The following PREX2 variants were observed in gnomAD, a reference collection of about 807,000 sequenced individuals.
PREX2 encodes the protein phosphatidylinositol-3,4,5-trisphosphate dependent Rac exchange factor 2, also known as phosphatidylinositol 3,4,5-trisphosphate-dependent Rac exchanger 2 protein.
In PREX2, 107 loss-of-function variants were observed where a neutral mutation model predicts 203.2. The ratio of observed to expected loss-of-function variants is 0.53; its 90% CI spans 0.45 to 0.62. The LOEUF (loss-of-function observed/expected upper bound fraction) is 0.62, where lower values mean the gene tolerates loss of function less well. Ranked by LOEUF, PREX2 falls within the 20% of genes least tolerant of loss-of-function variation. The pLI is 0.00. For missense variants in PREX2, 1,777 were observed against 1,955.9 expected, an observed-to-expected ratio of 0.91 and a Z score of 1.72; for synonymous variants, 672 against 663.6, an observed-to-expected ratio of 1.01 and a Z score of -0.19.
intron 1 of PREX2, among the ~76,000 whole-genome samples, chr8:67,954,792 A>T (rs1018091571): frequency 2.6e-5 from 4 of 152,218 alleles, no homozygotes; most frequent in Admixed American, 1.3e-4. Flanking sequence ...AGAGGTAGAA[A>T]ACATATTTTT....
Position 68,143,268 on chromosome 8 carries a change from C to T in PREX2, c.4088-2941C>T, listed in dbSNP as rs185332539. ...TCATGAATGATGTTGTGCCTTCCCC[C>T]TGGTACTGTCTTCATGATAATGAGT... On this transcript the variant is annotated intron_variant, in intron 33 of 39. Transcript: ENST00000288368. 2.4e-3 allele frequency among the ~76,000 whole-genome samples: 363 copies of T among 151,972 alleles called. 2 individuals are homozygous for T. Among genetic ancestry groups the T allele is most frequent in the Admixed American group, 6.6e-3 (101 of 15,248 alleles).
rs58916146 is a variant in PREX2 at position 67,999,478 on chromosome 8, CAAA to C, written c.142-18353_142-18351del. On this transcript the variant is annotated intron_variant, in intron 1 of 39. Coordinates refer to ENST00000288368, the MANE Select transcript of PREX2 (RefSeq NM_024870.4). ...AATCAGTAATAAATAGCCAACAAAC[CAAA>C]AAAAAAAAAAAAAAGCCCAGAACCA... 1.1e-3 allele frequency among the ~76,000 whole-genome samples: 103 copies of C among 92,100 alleles called. 4 individuals carry two copies. In the Middle Eastern group the frequency reaches 0.03, roughly 27 times the overall value. 60.4% of individuals were successfully genotyped at this position (92,100 alleles called of 152,430 possible).
At chr8:68,113,711 T>C (rs1018318356) in intron 25 of PREX2, among the ~76,000 whole-genome samples, 1 of 152,230 alleles carries the variant, frequency 6.6e-6, no homozygotes, top group African/African-American at 2.4e-5. Flanking sequence ...AAGTGGCAGC[T>C]TCACGCTTCC....
intron 22 of PREX2, 121 bp downstream of exon 22, chr8:68,097,322 ACTT>A (rs1279322388): frequency 1.7e-5 from 13 of 764,732 alleles, no homozygotes; most frequent in Admixed American, 3.5e-5. Context: ...GCTCATTCAA[ACTT>A]CTTTTTTTTT....
At chr8:68,000,265 T>TA (rs1198964311) in intron 1 of PREX2, among the ~76,000 whole-genome samples, 2 of 152,166 alleles carry the variant, frequency 1.3e-5, no homozygotes, top group Non-Finnish European at 2.9e-5. Context: ...AATACAAAAT[T>TA]AATGTGCAAA....
At chr8:68,101,217 C>T (rs913955986) in intron 23 of PREX2, among the ~76,000 whole-genome samples, 1 of 152,012 alleles carries the variant, frequency 6.6e-6, no homozygotes, top group Admixed American at 6.6e-5. Context: ...CCATATATGT[C>T]TATATTTGGC....
chr8:68,158,244 G>A (rs1164367356), intron 35 of PREX2, among the ~76,000 whole-genome samples: 1 of 151,092 alleles, frequency 6.6e-6, no homozygotes, highest in Non-Finnish European at 1.5e-5. Flanking sequence ...AACAAATTAA[G>A]GCTTTTATTT....
At position 68,085,042 on chromosome 8, in the gene PREX2, C is replaced by T. The variant is rs151181127; in HGVS notation, c.2027+1654C>T. Among the ~76,000 whole-genome samples the T allele has an allele frequency of 4.5e-3, 690 of 152,200 alleles. 5 individuals carry two copies. Among genetic ancestry groups the T allele is most frequent in the African/African-American group, 0.016 (662 of 41,534 alleles). ...TTCTGACTCTTCTTAGTGTTCGTTG[C>T]GCTGTGTCTAGAACTCTAGATTACA... On this transcript the variant is annotated intron_variant, in intron 18 of 39. Coordinates refer to ENST00000288368, the MANE Select transcript of PREX2 (RefSeq NM_024870.4).
intron 37 of PREX2, among the ~76,000 whole-genome samples, chr8:68,212,205 T>C (rs1417901110): frequency 6.6e-6 from 1 of 152,114 alleles, no homozygotes; most frequent in Non-Finnish European, 1.5e-5. Flanking sequence ...TGCACTTAAC[T>C]CTCCTTGAAA....
intron 37 of PREX2, among the ~76,000 whole-genome samples, chr8:68,212,357 T>C (rs1812756500): frequency 6.6e-6 from 1 of 152,194 alleles, no homozygotes; most frequent in Non-Finnish European, 1.5e-5. Flanking sequence ...ATTTTCTTTG[T>C]CCTCTCACTA....
chr8:68,043,169 C>A (rs561186566), intron 7 of PREX2, among the ~76,000 whole-genome samples: 1 of 152,168 alleles, frequency 6.6e-6, no homozygotes, highest in East Asian at 1.9e-4. Flanking sequence ...TTCATAGCTA[C>A]CTGGGATGAA....
At chr8:68,142,891 T>A (rs535994353) in intron 33 of PREX2, among the ~76,000 whole-genome samples, 2 of 152,228 alleles carry the variant, frequency 1.3e-5, no homozygotes, top group East Asian at 3.9e-4. Flanking sequence ...TTGTGGAAAA[T>A]CTGCATTTTT....
rs534713637 is a variant in PREX2 at position 68,223,633 on chromosome 8, C to G, written c.4708-926C>G. ...TTGAACAACTCTCCTTAACCTTTTC[C>G]AAACCCCAAACTCTGGTCTTTGGTC... On this transcript the variant is annotated intron_variant, in intron 38 of 39. Coordinates refer to ENST00000288368, the MANE Select transcript of PREX2 (RefSeq NM_024870.4). Among the ~76,000 whole-genome samples, 299 of 152,116 alleles carry G rather than the reference C, an allele frequency of 2.0e-3. 1 individual carries two copies. The highest frequency in any genetic ancestry group is 6.8e-3 in the Middle Eastern group (2 of 294).
intron 39 of PREX2, among the ~76,000 whole-genome samples, chr8:68,230,955 G>A (rs2129615643): frequency 6.6e-6 from 1 of 152,246 alleles, no homozygotes; most frequent in African/African-American, 2.4e-5. Flanking sequence ...GTGCCATCTT[G>A]CTACAAAATA....
rs545140864 is a variant in PREX2 at position 67,955,671 on chromosome 8, G to A, written c.141+3136G>A. Among the ~76,000 whole-genome samples, 74 of 152,306 alleles carry A rather than the reference G, an allele frequency of 4.9e-4. 3 individuals are homozygous for A. In the South Asian group the frequency reaches 0.015, roughly 32 times the overall value. On this transcript the variant is annotated intron_variant, in intron 1 of 39. Coordinates refer to ENST00000288368, the MANE Select transcript of PREX2 (RefSeq NM_024870.4). ...TGAGGACAGGGACATACCACCTTGT[G>A]TGCCTGTGCTTTCCATAATTGTGTG...
chr8:68,119,387 A>G (rs1563554541), intron 27 of PREX2, 45 bp from the exon 28 acceptor site: 1 of 1,250,410 alleles, frequency 8.0e-7, no homozygotes, highest in Non-Finnish European at 1.2e-6. Context: ...TAAACATAAG[A>G]TGAGTGATTT....
chr8:67,995,153 T>C (rs1428385235), intron 1 of PREX2, among the ~76,000 whole-genome samples: 1 of 152,184 alleles, frequency 6.6e-6, no homozygotes, highest in Non-Finnish European at 1.5e-5. Context: ...GTTCTATTAA[T>C]AATGAAAGTA....
At chr8:68,021,361 A>G (rs890769120) in intron 3 of PREX2, among the ~76,000 whole-genome samples, 1 of 152,192 alleles carries the variant, frequency 6.6e-6, no homozygotes, top group African/African-American at 2.4e-5. Flanking sequence ...GAAAGTATTC[A>G]TGATTTCCTG....
intron 4 of PREX2, among the ~76,000 whole-genome samples, chr8:68,023,061 G>A (rs1395935489): frequency 6.6e-6 from 1 of 152,094 alleles, no homozygotes; most frequent in Non-Finnish European, 1.5e-5. Flanking sequence ...GTTCCAGTTT[G>A]GGCTCCTATA....
Sources: gnomAD v4.1 joint callset for allele counts (sites outside exome capture counted in the v4.1 genomes callset) on GRCh38, gnomAD v4.1.1 for gene constraint, MANE v1.5 for transcripts, NCBI Gene and HGNC (gene_info 2026-07-23, HGNC 2026-07-21) for gene names.